USP32: variants seen among roughly 807,000 people sequenced by gnomAD.
The protein encoded by USP32 is ubiquitin specific peptidase 32.
A neutral mutation model predicts 204.8 loss-of-function variants in USP32; 59 were observed. That is an observed-to-expected ratio of 0.29 (90% CI 0.23 to 0.36). The LOEUF (loss-of-function observed/expected upper bound fraction) is 0.36, where lower values mean the gene tolerates loss of function less well. Among genes scored for constraint, USP32 ranks in the 10% least tolerant of loss-of-function variants. The pLI, the probability that USP32 is intolerant of heterozygous loss-of-function variation, is 1.00. For synonymous variants in USP32, 517 were observed against 678.4 expected (o/e 0.76, Z 3.70); for missense variants, 1,160 against 1,946.4 (o/e 0.60, Z 7.60).
At chr17:60,226,312 T>C (rs2085386731) in intron 12 of USP32, 81 bp from the exon 13 acceptor site, 2 of 1,298,794 alleles carry the variant, frequency 1.5e-6, no homozygotes, top group African/African-American at 3.1e-5. Flanking sequence ...ATCTCACAAT[T>C]ATCTATTTTT....
At chr17:60,291,529 G>C (rs1056004746) in intron 4 of USP32, among the ~76,000 whole-genome samples, 9 of 132,430 alleles carry the variant, frequency 6.8e-5, no homozygotes, top group African/African-American at 3.0e-4. Context: ...TTCTCTCTCT[G>C]TGTGTGTATG....
chr17:60,288,995 C>T (rs1229202202), intron 4 of USP32, among the ~76,000 whole-genome samples: 1 of 152,068 alleles, frequency 6.6e-6, no homozygotes, highest in Non-Finnish European at 1.5e-5. Context: ...CAGTAAACTG[C>T]ATTTTGTTTT....
chr17:60,314,159 A>T (rs1223399266), intron 2 of USP32, among the ~76,000 whole-genome samples: 2 of 68,270 alleles, frequency 2.9e-5, no homozygotes, highest in African/African-American at 6.9e-5. Context: ...TTTTTGAGAC[A>T]GGGTCTTTCT....
chr17:60,360,327 ATTTTTT>A (rs2089177883), intron 1 of USP32, among the ~76,000 whole-genome samples: 3 of 151,952 alleles, frequency 2.0e-5, no homozygotes, highest in Non-Finnish European at 2.9e-5. Context: ...TACAAAAATT[ATTTTTT>A]GTATTTTTAC....
chr17:60,305,567 T>C (rs1032140601), intron 2 of USP32, among the ~76,000 whole-genome samples: 82 of 152,328 alleles, frequency 5.4e-4, no homozygotes, highest in African/African-American at 1.8e-3. Context: ...TTAATTTGTC[T>C]AGAATTATAT....
At chr17:60,347,256 G>A (rs907334710) in intron 1 of USP32, among the ~76,000 whole-genome samples, 1 of 151,150 alleles carries the variant, frequency 6.6e-6, no homozygotes, top group Non-Finnish European at 1.5e-5. Context: ...ATGATCTCAG[G>A]TCACTGCAAC....
intron 19 of USP32, 56 bp from the exon 20 acceptor site, chr17:60,211,570 A>G: frequency 6.4e-7 from 1 of 1,553,654 alleles, no homozygotes; most frequent in East Asian, 2.3e-5. Flanking sequence ...CCATGGCACA[A>G]ACAGTTACTT....
chr17:60,328,756 C>G (rs997778465), intron 2 of USP32, among the ~76,000 whole-genome samples: 1 of 152,202 alleles, frequency 6.6e-6, no homozygotes, highest in Non-Finnish European at 1.5e-5. Context: ...CTTCCAGACG[C>G]CATCACACTC....
At position 60,212,026 on chromosome 17, in the gene USP32, T is replaced by C. The variant is rs753452315; in HGVS notation, c.2177A>G (p.Lys726Arg). 80 of 1,582,102 alleles carry C rather than the reference T, an allele frequency of 5.1e-5. No homozygotes were observed. In the Middle Eastern group the frequency reaches 6.6e-4, roughly 13 times the overall value. Residue 726 changes from lysine (K) to arginine (R), a missense_variant and splice_region_variant, in exon 19 of 34, where the codon AAG becomes AGG. Lys to Arg is a conservative substitution (Grantham distance 26). Around this residue, in one of 8 missense-constraint regions of USP32, gnomAD observed 132 missense variants for 432.8 expected, o/e 0.30. Coordinates refer to ENST00000300896, the MANE Select transcript of USP32 (RefSeq NM_032582.4). ...AAAAAATAATACTGGAGACTTACCC[T>C]TGTGTCTATCTATTTTACTACTATT... ...IANSSKIDRH[K>R]VPTEKGATGL...
intron 1 of USP32, chr17:60,421,986 C>A (rs1180110366): frequency 1.0e-6 from 1 of 973,012 alleles, no homozygotes; most frequent in Non-Finnish European, 1.2e-6. Flanking sequence ...TCTTTATACA[C>A]CCCCAAAACA....
At chr17:60,387,676 G>A (rs750735448) in intron 1 of USP32, among the ~76,000 whole-genome samples, 1 of 152,074 alleles carries the variant, frequency 6.6e-6, no homozygotes, top group Admixed American at 6.5e-5. Context: ...AACTTACAAT[G>A]AGATTACCTC....
intron 1 of USP32, among the ~76,000 whole-genome samples, chr17:60,406,961 C>T (rs1390865730): frequency 6.6e-6 from 1 of 152,178 alleles, no homozygotes; most frequent in Non-Finnish European, 1.5e-5. Context: ...ATTAACCCTT[C>T]TGCCATACAC....
At chr17:60,311,747 C>T (rs1013951821) in intron 2 of USP32, among the ~76,000 whole-genome samples, 2 of 152,184 alleles carry the variant, frequency 1.3e-5, no homozygotes, top group Non-Finnish European at 1.5e-5. Context: ...ATCCCTTAAA[C>T]CCAGGAGGCG....
intron 2 of USP32, among the ~76,000 whole-genome samples, chr17:60,337,096 T>C (rs1399237347): frequency 3.3e-5 from 5 of 152,120 alleles, no homozygotes. Context: ...ATAATATAGA[T>C]CAACTATCAT....
intron 12 of USP32, among the ~76,000 whole-genome samples, chr17:60,235,295 A>G (rs1356299115): frequency 6.6e-6 from 1 of 152,220 alleles, no homozygotes; most frequent in Admixed American, 6.5e-5. Flanking sequence ...CTACCTACAC[A>G]TACCATCATT....
intron 1 of USP32, among the ~76,000 whole-genome samples, chr17:60,398,189 ACT>A (rs1428556022): frequency 6.6e-6 from 1 of 152,076 alleles, no homozygotes; most frequent in Non-Finnish European, 1.5e-5. Flanking sequence ...ACATACGGAG[ACT>A]CTGTCTCTAC....
chr17:60,384,929 G>A (rs1273343738), intron 1 of USP32, among the ~76,000 whole-genome samples: 3 of 152,062 alleles, frequency 2.0e-5, no homozygotes. Flanking sequence ...ACAACACGGC[G>A]AAACCCCATC....
intron 1 of USP32, among the ~76,000 whole-genome samples, chr17:60,420,585 T>C (rs1327154055): frequency 6.6e-6 from 1 of 152,144 alleles, no homozygotes; most frequent in Non-Finnish European, 1.5e-5. Flanking sequence ...GAGAATGGCT[T>C]GAACCCGAGA....
intron 5 of USP32, among the ~76,000 whole-genome samples, chr17:60,282,810 T>C (rs990145140): frequency 6.6e-6 from 1 of 152,194 alleles, no homozygotes; most frequent in African/African-American, 2.4e-5. Flanking sequence ...GGCAATCAAA[T>C]GTTTAAATCA....
Sources: allele counts gnomAD v4.1 joint callset (sites outside exome capture counted in the v4.1 genomes callset), GRCh38; gene constraint gnomAD v4.1.1; regional missense constraint gnomAD v4.1.1; transcripts MANE v1.5; gene names NCBI Gene and HGNC (gene_info 2026-07-23, HGNC 2026-07-21).